The following VEPH1 variants were observed in gnomAD, a reference collection of about 807,000 sequenced individuals.
The protein encoded by VEPH1 is ventricular zone expressed PH domain containing 1.
VEPH1 carries 80 observed loss-of-function variants against 85.2 expected under a neutral mutation model. The ratio of observed to expected loss-of-function variants is 0.94; its 90% confidence interval spans 0.78 to 1.13. The LOEUF (loss-of-function observed/expected upper bound fraction) is 1.13. Among genes scored for constraint, VEPH1 ranks in the 50% most tolerant of loss-of-function variants. The pLI, the probability that VEPH1 is intolerant of heterozygous loss-of-function variation, is 0.00. For missense variants in VEPH1, 955 were observed against 980.5 expected (o/e 0.97, Z 0.35); for synonymous variants, 297 against 348.0 (o/e 0.85, Z 1.63).
At chr3:157,424,214 T>G (rs1375190673) in intron 5 of VEPH1, among the ~76,000 whole-genome samples, 1 of 152,246 alleles carries the variant, frequency 6.6e-6, no homozygotes, top group Non-Finnish European at 1.5e-5. Context: ...TGCATATTCC[T>G]CATTTTCTCT....
chr3:157,382,658 A>G (rs1242953658), intron 6 of VEPH1, among the ~76,000 whole-genome samples: 2 of 152,178 alleles, frequency 1.3e-5, no homozygotes, highest in African/African-American at 4.8e-5. Flanking sequence ...CCTTCTGACT[A>G]ACTGGTGCAC....
intron 11 of VEPH1, among the ~76,000 whole-genome samples, chr3:157,293,219 A>G (rs1324784860): frequency 6.6e-6 from 1 of 152,154 alleles, no homozygotes; most frequent in Non-Finnish European, 1.5e-5. Flanking sequence ...GCAGACTCTA[A>G]GCAGAGGCAG....
intron 6 of VEPH1, among the ~76,000 whole-genome samples, chr3:157,399,543 A>G (rs1385146223): frequency 6.6e-6 from 1 of 152,104 alleles, no homozygotes; most frequent in Non-Finnish European, 1.5e-5. Flanking sequence ...TTCTTCAAAA[A>G]TTTGCTGTTA....
intron 9 of VEPH1, among the ~76,000 whole-genome samples, chr3:157,359,718 C>T (rs190939468): frequency 1.3e-5 from 2 of 152,264 alleles, no homozygotes; most frequent in Admixed American, 1.3e-4. Flanking sequence ...CAGTGAGGTT[C>T]CTATTCATTT....
rs776525341 is a variant in VEPH1 at position 157,460,181 on chromosome 3, C to G, written c.529G>C (p.Gly177Arg). 3.1e-6 allele frequency: 5 copies of G among 1,614,046 alleles called. No individual in the cohort carries two copies. The highest frequency in any genetic ancestry group is 1.3e-5 in the African/African-American group (1 of 74,924). ...TEVIVKSILQ[G>R]NTMLLRVLPA... ...CCCAAGCTCAACTTTCGCACCATAC[C>G]TTGGAGTATGCTCTTTACTATAACT... is the stretch of plus-strand genomic sequence containing the variant. The change falls in exon 4 of 14, where the codon GGT becomes CGT. Residue 177 changes from glycine to arginine, a missense_variant and splice_region_variant. By Grantham distance (125) the Gly-to-Arg change is moderately radical (BLOSUM62 -2). Coordinates refer to ENST00000362010, the MANE Select transcript of VEPH1 (RefSeq NM_001167912.2).
At position 157,287,305 on chromosome 3, in the gene VEPH1, G is replaced by A. The variant is rs191850372; in HGVS notation, c.2011-631C>T. 8.4e-3 allele frequency among the ~76,000 whole-genome samples: 1,271 copies of A among 152,142 alleles called. 8 individuals are homozygous for A. The highest frequency in any genetic ancestry group is 0.017 in the Middle Eastern group (5 of 294). ...TGAGAGGATCGCTTGAGCCTGTGAGGCGGAGGTTGCAGTGAGGCAAGATTG... is the reference window on the plus strand; with the variant it reads ...TGAGAGGATCGCTTGAGCCTGTGAGACGGAGGTTGCAGTGAGGCAAGATTG... On this transcript the variant is annotated intron_variant, in intron 11 of 13. Coordinates refer to ENST00000362010, the MANE Select transcript of VEPH1 (RefSeq NM_001167912.2).
chr3:157,261,540 G>C (rs910906329), intron 13 of VEPH1, among the ~76,000 whole-genome samples, 170 bp from the exon 14 acceptor site: 1 of 152,064 alleles, frequency 6.6e-6, no homozygotes, highest in Non-Finnish European at 1.5e-5. Flanking sequence ...CTGAAGGAGT[G>C]AGCAATTGGG....
At chr3:157,356,454 A>C (rs1725441208) in intron 9 of VEPH1, among the ~76,000 whole-genome samples, 1 of 152,098 alleles carries the variant, frequency 6.6e-6, no homozygotes. Flanking sequence ...AAATACCTGG[A>C]CTCTCAATTG....
Position 157,344,723 on chromosome 3 carries a change from T to C in VEPH1, c.1735+18641A>G, listed in dbSNP as rs185048216. Among the ~76,000 whole-genome samples, 20 of 152,186 alleles carry C rather than the reference T, an allele frequency of 1.3e-4. No individual in the cohort carries two copies. In the East Asian group the frequency reaches 3.7e-3, roughly 28 times the overall value. ...AAAAGAGCCCGCATTGCCAAGACAGTCCTAAGCCAAAATAACAAAGCTGGA... is the reference window on the plus strand; with the variant it reads ...AAAAGAGCCCGCATTGCCAAGACAGCCCTAAGCCAAAATAACAAAGCTGGA... On this transcript the variant is annotated intron_variant, in intron 9 of 13. Transcript: ENST00000362010.
At chr3:157,380,728 C>A (rs1011703313) in intron 7 of VEPH1, among the ~76,000 whole-genome samples, 2 of 152,196 alleles carry the variant, frequency 1.3e-5, no homozygotes, top group African/African-American at 4.8e-5. Flanking sequence ...GCTATTCTCC[C>A]ATTATGCACT....
chr3:157,451,605 C>A lies in VEPH1; in HGVS notation c.529+8576G>T, dbSNP rs149282767. 5.4e-3 allele frequency among the ~76,000 whole-genome samples: 821 copies of A among 152,282 alleles called. 8 individuals are homozygous for A. The highest frequency in any genetic ancestry group is 0.019 in the African/African-American group (781 of 41,556). ...TGGACAAAGTCTCTCATGATTCACT[C>A]ATAAGCATAAAAGAGCATTTGGTTT... On this transcript the variant is annotated intron_variant, in intron 4 of 13. Coordinates refer to ENST00000362010, the MANE Select transcript of VEPH1 (RefSeq NM_001167912.2).
intron 2 of VEPH1, 150 bp downstream of exon 2, chr3:157,495,062 G>A: frequency 1.4e-6 from 1 of 730,742 alleles, no homozygotes; most frequent in Non-Finnish European, 2.1e-6. Context: ...TTTCTTAGAT[G>A]CCAACAAAAC....
chr3:157,287,379 A>AATAT (rs1202876261), intron 11 of VEPH1, among the ~76,000 whole-genome samples: 2 of 149,560 alleles, frequency 1.3e-5, no homozygotes. Flanking sequence ...TGTCTCAAAA[A>AATAT]ATATATATAT....
chr3:157,434,416 A>T (rs2109159023), intron 4 of VEPH1, among the ~76,000 whole-genome samples: 1 of 152,016 alleles, frequency 6.6e-6, no homozygotes, highest in East Asian at 1.9e-4. Context: ...GGCTCAAGTG[A>T]TCCTCCTGCC....
chr3:157,305,255 G>A (rs1472865652), intron 11 of VEPH1, among the ~76,000 whole-genome samples: 1 of 149,476 alleles, frequency 6.7e-6, no homozygotes, highest in Admixed American at 6.6e-5. Context: ...GACTACAGGC[G>A]CCCGCCACTA....
chr3:157,287,771 G>T (rs888899310), intron 11 of VEPH1, among the ~76,000 whole-genome samples: 11 of 152,048 alleles, frequency 7.2e-5, no homozygotes, highest in African/African-American at 2.7e-4. Flanking sequence ...TGCCGTGTTG[G>T]CCAGGCTGGT....
intron 11 of VEPH1, among the ~76,000 whole-genome samples, chr3:157,303,867 G>A (rs974382113): frequency 6.6e-6 from 1 of 151,656 alleles, no homozygotes; most frequent in African/African-American, 2.4e-5. Context: ...CGCCCCCACT[G>A]GGGTTCTGAA....
In VEPH1 at chr3:157,259,803, G is replaced by A. The variant is rs375771825; in HGVS notation, c.*1331C>T. The stretch of plus-strand genomic sequence containing the variant: ...GTTTCTGTGGGTCAGGAGTCCAAAC[G>A]TGATTTAGCTGGGTCCTCTGCTCAG... On this transcript the variant is annotated 3_prime_UTR_variant, in exon 14 of 14. Transcript: ENST00000362010. 5.9e-5 allele frequency: 9 copies of A among 152,278 alleles called. No individual in the cohort carries two copies. In the South Asian group the frequency reaches 6.2e-4, roughly 11 times the overall value. 9.4% of individuals were successfully genotyped at this position (152,278 alleles called of 1,614,324 possible).
At chr3:157,497,091 G>A (rs942096174) in intron 1 of VEPH1, among the ~76,000 whole-genome samples, 2 of 152,168 alleles carry the variant, frequency 1.3e-5, no homozygotes, top group Non-Finnish European at 2.9e-5. Context: ...TTTGAACCCA[G>A]AGACTCCAGT....
Sources: gnomAD v4.1 joint callset for allele counts (sites outside exome capture counted in the v4.1 genomes callset) on GRCh38, gnomAD v4.1.1 for gene constraint, MANE v1.5 for transcripts, NCBI Gene and HGNC (gene_info 2026-07-23, HGNC 2026-07-21) for gene names.